PCBP2: variants seen among roughly 807,000 people sequenced by gnomAD.
PCBP2 encodes poly(rC) binding protein 2, also known as poly(rC)-binding protein 2.
In PCBP2, 4 loss-of-function variants were observed where a neutral mutation model predicts 50.1. The observed-to-expected ratio is 0.08, with a 90% CI of 0.04 to 0.18. The LOEUF (loss-of-function observed/expected upper bound fraction) is 0.18, where lower values mean the gene tolerates loss of function less well. Among genes scored for constraint, PCBP2 ranks in the 10% least tolerant of loss-of-function variants. The pLI, the probability that PCBP2 is intolerant of heterozygous loss-of-function variation, is 1.00. For synonymous variants in PCBP2, 179 were observed against 168.0 expected (o/e 1.07, Z -0.51); for missense variants, 161 against 474.3 (o/e 0.34, Z 6.14).
chr12:53,470,672 C>T (rs1472457774), intron 13 of PCBP2, among the ~76,000 whole-genome samples: 2 of 151,958 alleles, frequency 1.3e-5, no homozygotes, highest in Non-Finnish European at 2.9e-5. Context: ...CCACGGTCCC[C>T]CACCATAGTG....
At chr12:53,477,982 G>GCTGC (rs995132076) in intron 14 of PCBP2, among the ~76,000 whole-genome samples, 2 of 152,198 alleles carry the variant, frequency 1.3e-5, no homozygotes, top group Non-Finnish European at 2.9e-5. Context: ...GCAAAGTCTT[G>GCTGC]CTGCCTACCT....
At chr12:53,479,325 T>G in intron 14 of PCBP2, 81 bp from the exon 15 acceptor site, 2 of 1,256,746 alleles carry the variant, frequency 1.6e-6, no homozygotes, top group South Asian at 1.2e-5. Flanking sequence ...TTATTTACTC[T>G]TCACATTTCA....
At chr12:53,454,907 C>G (rs1249725005) in intron 2 of PCBP2, 38 bp downstream of exon 2, 1 of 1,543,182 alleles carries the variant, frequency 6.5e-7, no homozygotes, top group Non-Finnish European at 9.0e-7. Context: ...ATAGTAACTG[C>G]TAGGGGAGGG....
At chr12:53,468,014 G>T in intron 12 of PCBP2, 171 bp downstream of exon 12, 1 of 606,080 alleles carries the variant, frequency 1.6e-6, no homozygotes, top group Non-Finnish European at 2.9e-6. Flanking sequence ...GATGGATCTG[G>T]CCAACCCCCT....
chr12:53,470,519 C>A (rs1215324726), intron 13 of PCBP2, among the ~76,000 whole-genome samples: 1 of 151,238 alleles, frequency 6.6e-6, no homozygotes, highest in East Asian at 2.0e-4. Flanking sequence ...ATCCTCCCAT[C>A]TCAGCCTCCT....
intron 5 of PCBP2, among the ~76,000 whole-genome samples, chr12:53,458,965 CT>C (rs1217689887): frequency 6.6e-6 from 1 of 152,090 alleles, no homozygotes; most frequent in Non-Finnish European, 1.5e-5. Context: ...TTGACATCAT[CT>C]TTTTTCCCCA....
intron 14 of PCBP2, 90 bp downstream of exon 14, chr12:53,471,897 TG>T: frequency 3.8e-6 from 4 of 1,062,038 alleles, no homozygotes; most frequent in Non-Finnish European, 5.2e-6. Context: ...TGGGATTACA[TG>T]GGCGATGGGT....
At chr12:53,461,813 G>T (rs1336640867) in intron 7 of PCBP2, among the ~76,000 whole-genome samples, 1 of 152,060 alleles carries the variant, frequency 6.6e-6, no homozygotes, top group Non-Finnish European at 1.5e-5. Context: ...AGGCTTAAGC[G>T]ATCCTCTCAC....
chr12:53,467,633 T>G (rs1284364261), intron 11 of PCBP2, 172 bp from the exon 12 acceptor site: 1 of 657,696 alleles, frequency 1.5e-6, no homozygotes, highest in Non-Finnish European at 2.7e-6. Context: ...CCACCAGCAA[T>G]TCACAGGCTT....
chr12:53,470,046 T>TGCTTTTGTTTTTTTGTAGAA (rs1259531307), intron 13 of PCBP2, among the ~76,000 whole-genome samples: 1 of 151,908 alleles, frequency 6.6e-6, no homozygotes, highest in Non-Finnish European at 1.5e-5. Flanking sequence ...GCGTCCAGCC[T>TGCTTTTGTTTTTTTGTAGAA]GCTTTTGTTT....
At chr12:53,466,342 A>G (rs1296654167) in intron 10 of PCBP2, among the ~76,000 whole-genome samples, 1 of 152,148 alleles carries the variant, frequency 6.6e-6, no homozygotes, top group Non-Finnish European at 1.5e-5. Flanking sequence ...CATGAGGGTA[A>G]TGGGAGGTTG....
intron 8 of PCBP2, 32 bp downstream of exon 8, chr12:53,462,599 A>T: frequency 1.3e-6 from 2 of 1,551,986 alleles, no homozygotes; most frequent in Non-Finnish European, 1.8e-6. Context: ...GGCTAGAATG[A>T]ACAGAGATTA....
Position 53,462,349 on chromosome 12 carries a change from T to G in PCBP2, c.505-144T>G, listed in dbSNP as rs1239514316. The G allele has an allele frequency of 3.6e-6, 2 of 554,946 alleles. 1 individual carries two copies. The highest frequency in any genetic ancestry group is 6.4e-6 in the Non-Finnish European group (2 of 313,360). 34.4% of individuals were successfully genotyped at this position (554,946 alleles called of 1,614,324 possible). On this transcript the variant is annotated intron_variant, in intron 7 of 14. Coordinates refer to ENST00000546463, the MANE Select transcript of PCBP2 (RefSeq NM_031989.5). ...TAACTTTCAGTAGATAAATTGAGAT[T>G]AGATCTAGCCAGAGACAATTTGGTA...
chr12:53,471,853 G>A (rs750296528), intron 14 of PCBP2, 46 bp downstream of exon 14: 4 of 1,532,708 alleles, frequency 2.6e-6, no homozygotes, highest in Non-Finnish European at 1.8e-6. Flanking sequence ...ACACAGTAAT[G>A]TGTGTGTTGG....
At chr12:53,465,177 T>G (rs1941732647) in intron 9 of PCBP2, 1 of 228,598 alleles carries the variant, frequency 4.4e-6, no homozygotes, top group Admixed American at 5.8e-5. Context: ...TGTGAGAAAC[T>G]TCACATCCTG....
intron 8 of PCBP2, among the ~76,000 whole-genome samples, chr12:53,464,262 T>TC (rs1941658150): frequency 6.6e-6 from 1 of 152,034 alleles, no homozygotes; most frequent in East Asian, 1.9e-4. Context: ...TCCTTTTTTT[T>TC]CCACTCCCCA....
chr12:53,460,570 G>A (rs983150720), intron 6 of PCBP2: 14 of 216,628 alleles, frequency 6.5e-5, no homozygotes, highest in African/African-American at 9.4e-5. Flanking sequence ...GGAGCGTATC[G>A]TACATGGCAC....
At chr12:53,463,578 T>C (rs1244590367) in intron 8 of PCBP2, among the ~76,000 whole-genome samples, 1 of 152,208 alleles carries the variant, frequency 6.6e-6, no homozygotes. Context: ...AGGATATGCT[T>C]AGGTTATATG....
At chr12:53,453,293 T>G (rs763611407) in intron 1 of PCBP2, 2 of 152,048 alleles carry the variant, frequency 1.3e-5, no homozygotes, top group African/African-American at 2.4e-5. Flanking sequence ...GGTAAGGAAT[T>G]AAACTACCAG....
Sources: allele counts gnomAD v4.1 joint callset (sites outside exome capture counted in the v4.1 genomes callset), GRCh38; gene constraint gnomAD v4.1.1; transcripts MANE v1.5; gene names NCBI Gene and HGNC (gene_info 2026-07-23, HGNC 2026-07-21).